Variants in GABRA4 observed in about 807,000 individuals in gnomAD.
The protein encoded by GABRA4 is gamma-aminobutyric acid receptor subunit alpha-4.
A neutral mutation model predicts 49.7 loss-of-function variants in GABRA4; 12 were observed. The ratio of observed to expected loss-of-function variants is 0.24; its 90% CI spans 0.15 to 0.39. The LOEUF (loss-of-function observed/expected upper bound fraction) is 0.39, where lower values mean the gene tolerates loss of function less well. Among genes scored for constraint, GABRA4 ranks in the 10% least tolerant of loss-of-function variants. GABRA4 has a pLI of 1.00. For missense variants in GABRA4, 506 were observed against 686.0 expected (o/e 0.74, Z 2.93); for synonymous variants, 288 against 240.2 (o/e 1.20, Z -1.84).
intron 5 of GABRA4, among the ~76,000 whole-genome samples, chr4:46,975,330 T>A (rs1723102526): frequency 6.6e-6 from 1 of 152,010 alleles, no homozygotes; most frequent in South Asian, 2.1e-4. Flanking sequence ...ACCATTCAGT[T>A]ATATTATGTG....
intron 8 of GABRA4, among the ~76,000 whole-genome samples, chr4:46,955,838 A>G (rs952080079): frequency 2.6e-5 from 4 of 152,100 alleles, no homozygotes; most frequent in African/African-American, 7.2e-5. Context: ...CCATACTTTT[A>G]TATAGTAAAT....
intron 8 of GABRA4, among the ~76,000 whole-genome samples, chr4:46,932,754 G>C (rs1350174118): frequency 1.3e-5 from 2 of 152,044 alleles, no homozygotes; most frequent in Non-Finnish European, 2.9e-5. Flanking sequence ...TAACCTACCA[G>C]TCTTATTTTA....
chr4:46,954,552 C>A, intron 8 of GABRA4, among the ~76,000 whole-genome samples: 1 of 139,702 alleles, frequency 7.2e-6, no homozygotes, highest in African/African-American at 2.7e-5. Context: ...AGTGAAACGC[C>A]ATCCAAAAAA....
chr4:46,976,530 C>T (rs1286563527), intron 5 of GABRA4, among the ~76,000 whole-genome samples: 1 of 151,564 alleles, frequency 6.6e-6, no homozygotes, highest in African/African-American at 2.4e-5. Flanking sequence ...CATGCTTTTG[C>T]CATGCTTCAG....
At chr4:46,938,428 G>A (rs545247245) in intron 8 of GABRA4, among the ~76,000 whole-genome samples, 4 of 152,172 alleles carry the variant, frequency 2.6e-5, no homozygotes, top group Non-Finnish European at 4.4e-5. Context: ...GGCAACAGGG[G>A]CACTGTCTTA....
chr4:46,971,423 A>T (rs1560478165), intron 6 of GABRA4, among the ~76,000 whole-genome samples, 188 bp from the exon 7 acceptor site: 1 of 151,570 alleles, frequency 6.6e-6, no homozygotes, highest in Non-Finnish European at 1.5e-5. Context: ...ACGTTATTAT[A>T]CAGAAAAACT....
At position 46,924,686 on chromosome 4, in the gene GABRA4, T is replaced by G. The variant is rs1721147739; in HGVS notation, c.*3539A>C. 1.3e-5 allele frequency: 2 copies of G among 151,992 alleles called. No homozygotes were observed. Among genetic ancestry groups the G allele is most frequent in the Non-Finnish European group, 2.9e-5 (2 of 67,936 alleles). 9.4% of individuals were successfully genotyped at this position (151,992 alleles called of 1,614,324 possible). A position where few individuals can be genotyped will look rare whatever the true frequency, so the allele number is the denominator to read the frequency against. On this transcript the variant is annotated 3_prime_UTR_variant, in exon 9 of 9. Transcript: ENST00000264318. ...ATTTTTGAAGGTAGGGAAACCTTAGTTTGAAGCAAGCAATGAACTTAAAGT... is the reference window on the plus strand; with the variant it reads ...ATTTTTGAAGGTAGGGAAACCTTAGGTTGAAGCAAGCAATGAACTTAAAGT...
Position 46,923,376 on chromosome 4 carries a change from C to G in GABRA4, c.*4849G>C, listed in dbSNP as rs755749769. On this transcript the variant is annotated 3_prime_UTR_variant, in exon 9 of 9. Coordinates refer to ENST00000264318, the MANE Select transcript of GABRA4 (RefSeq NM_000809.4). ...AATTTAATTTTTTATTATTTAATGG[C>G]AGCATGTATGTCATATTGGCTTCTA... 2.6e-5 allele frequency: 4 copies of G among 152,004 alleles called. No individual in the cohort carries two copies. Among genetic ancestry groups the G allele is most frequent in the Non-Finnish European group, 5.9e-5 (4 of 68,004 alleles). The allele number at this position is 152,004 out of a possible 1,614,324, so 9.4% of individuals were successfully genotyped here.
At chr4:46,973,942 C>T (rs945374855) in intron 6 of GABRA4, among the ~76,000 whole-genome samples, 2 of 151,770 alleles carry the variant, frequency 1.3e-5, no homozygotes, top group African/African-American at 4.8e-5. Context: ...GATCAGACTT[C>T]CTACCACATA....
At chr4:46,946,073 C>A (rs769910636) in intron 8 of GABRA4, among the ~76,000 whole-genome samples, 1 of 152,100 alleles carries the variant, frequency 6.6e-6, no homozygotes, top group Non-Finnish European at 1.5e-5. Context: ...ATTTTGAAAA[C>A]AACAACAAAA....
rs543112102 is a variant in GABRA4 at position 46,922,469 on chromosome 4, T to A, written c.*5756A>T. Reference sequence around the variant, plus strand: ...CAGCCCCAAAAATAGGCAAGGGAGATAAAACCTCAATGAAAAAGCAGATGA... The same window carrying A: ...CAGCCCCAAAAATAGGCAAGGGAGAAAAAACCTCAATGAAAAAGCAGATGA... On this transcript the variant is annotated 3_prime_UTR_variant, in exon 9 of 9. Coordinates refer to ENST00000264318, the MANE Select transcript of GABRA4 (RefSeq NM_000809.4). 1.3e-5 allele frequency: 2 copies of A among 151,960 alleles called. No homozygotes were observed. Among genetic ancestry groups the A allele is most frequent in the Non-Finnish European group, 2.9e-5 (2 of 67,982 alleles). 9.4% of individuals were successfully genotyped at this position (151,960 alleles called of 1,614,324 possible).
chr4:46,979,366 G>A (rs1723269176), intron 2 of GABRA4, among the ~76,000 whole-genome samples: 1 of 152,030 alleles, frequency 6.6e-6, no homozygotes, highest in Non-Finnish European at 1.5e-5. Flanking sequence ...CCTGGGTACT[G>A]TTACAACAGG....
At chr4:46,942,351 A>G (rs1300603354) in intron 8 of GABRA4, among the ~76,000 whole-genome samples, 2 of 152,038 alleles carry the variant, frequency 1.3e-5, no homozygotes, top group Non-Finnish European at 2.9e-5. Flanking sequence ...TTGTTACTTG[A>G]TTATTCTCCC....
chr4:46,993,527 A>C lies in GABRA4; in HGVS notation c.-103T>G. The stretch of plus-strand genomic sequence containing the variant: ...GCAGAGAGGCTCCCGCGGCGTGCGC[A>C]CACTCGCGCTCACACTCGCCCGCGC... On this transcript the variant is annotated 5_prime_UTR_variant, in exon 1 of 9. Coordinates refer to ENST00000264318, the MANE Select transcript of GABRA4 (RefSeq NM_000809.4). 1 of 1,247,244 alleles carries C rather than the reference A, an allele frequency of 8.0e-7. No individual in the cohort carries two copies. The highest frequency in any genetic ancestry group is 1.2e-6 in the Non-Finnish European group (1 of 868,566). The allele number at this position is 1,247,244 out of a possible 1,614,324, so 77.3% of individuals were successfully genotyped here.
chr4:46,972,213 G>T (rs985145731), intron 6 of GABRA4, among the ~76,000 whole-genome samples: 69 of 151,658 alleles, frequency 4.5e-4, no homozygotes, highest in African/African-American at 1.6e-3. Flanking sequence ...TCCTCAAAAT[G>T]ATAATAGTCA....
intron 2 of GABRA4, among the ~76,000 whole-genome samples, chr4:46,984,832 T>A (rs529626611): frequency 6.6e-6 from 1 of 152,166 alleles, no homozygotes; most frequent in Non-Finnish European, 1.5e-5. Context: ...CATTGTAAAC[T>A]GTAAATGGAA....
At chr4:46,968,897 A>C (rs1050959040) in intron 7 of GABRA4, among the ~76,000 whole-genome samples, 1 of 151,692 alleles carries the variant, frequency 6.6e-6, no homozygotes, top group Non-Finnish European at 1.5e-5. Flanking sequence ...AGACAGTCAC[A>C]TTAACCTATC....
In GABRA4 at chr4:46,993,516, G is replaced by T. The variant is rs1227152166; in HGVS notation, c.-92C>A. On this transcript the variant is annotated 5_prime_UTR_variant, in exon 1 of 9. Transcript: ENST00000264318. The stretch of plus-strand genomic sequence containing the variant: ...GCGAGGAGAGGGCAGAGAGGCTCCC[G>T]CGGCGTGCGCACACTCGCGCTCACA... 7.4e-6 allele frequency: 10 copies of T among 1,349,986 alleles called. No homozygotes were observed. Among genetic ancestry groups the T allele is most frequent in the Non-Finnish European group, 9.4e-6 (9 of 955,480 alleles). 83.6% of individuals were successfully genotyped at this position (1,349,986 alleles called of 1,614,324 possible).
At position 46,922,133 on chromosome 4, in the gene GABRA4, T is replaced by A. The variant is rs1239222777; in HGVS notation, c.*6092A>T. 6.6e-6 allele frequency: 1 copy of A among 152,066 alleles called. No individual in the cohort carries two copies. Among genetic ancestry groups the A allele is most frequent in the Non-Finnish European group, 1.5e-5 (1 of 67,992 alleles). 9.4% of individuals were successfully genotyped at this position (152,066 alleles called of 1,614,324 possible). A position where few individuals can be genotyped will look rare whatever the true frequency, so the allele number is the denominator to read the frequency against. The stretch of plus-strand genomic sequence containing the variant: ...GAGAGTTGTGAACAAGCTTGCTGAA[T>A]AATATAGAATACTAAGGCTAATGTG... On this transcript the variant is annotated 3_prime_UTR_variant, in exon 9 of 9. Coordinates refer to ENST00000264318, the MANE Select transcript of GABRA4 (RefSeq NM_000809.4).
Sources: allele counts gnomAD v4.1 joint callset (sites outside exome capture counted in the v4.1 genomes callset), GRCh38; gene constraint gnomAD v4.1.1; transcripts MANE v1.5; gene names NCBI Gene and HGNC (gene_info 2026-07-23, HGNC 2026-07-21).